Variants in GRIP1 observed in about 807,000 individuals in gnomAD.
GRIP1 encodes glutamate receptor-interacting protein 1.
GRIP1 carries 45 observed loss-of-function variants against 129.9 expected under a neutral mutation model. The ratio of observed to expected loss-of-function variants is 0.35; its 90% CI spans 0.27 to 0.44. The LOEUF is 0.44. GRIP1 is among the 20% of genes least tolerant of loss of function. The pLI is 1.00. For missense variants in GRIP1, 1,196 were observed against 1,396.8 expected (o/e 0.86, Z 2.29); for synonymous variants, 530 against 520.8 (o/e 1.02, Z -0.24).
rs189337151 is a variant in GRIP1, at chr12:66,717,531, A to T, written c.-420+86522T>A. On this transcript the variant is annotated intron_variant, in intron 1 of 4. Transcript: ENST00000538373. ...CGTGCCAGAAAACTCAGTGGTTAAAAATGATAACTAATCTTGTCATGCTCT... is the reference window on the plus strand; with the variant it reads ...CGTGCCAGAAAACTCAGTGGTTAAATATGATAACTAATCTTGTCATGCTCT... Among the ~76,000 whole-genome samples, 5 of 152,274 alleles carry T rather than the reference A, an allele frequency of 3.3e-5. No individual in the cohort carries two copies. In the East Asian group the frequency reaches 5.8e-4, roughly 18 times the overall value.
intron 1 of GRIP1, among the ~76,000 whole-genome samples, chr12:66,946,785 T>TGGGG (rs537292136): frequency 3.7e-5 from 1 of 26,856 alleles, no homozygotes; most frequent in African/African-American, 1.5e-4. Flanking sequence ...GGGTGGGGGA[T>TGGGG]GGGGGGGGTG....
At chr12:66,715,015 A>T (rs1315237286) in intron 1 of GRIP1, among the ~76,000 whole-genome samples, 1 of 151,308 alleles carries the variant, frequency 6.6e-6, no homozygotes, top group Non-Finnish European at 1.5e-5. Flanking sequence ...ACTCCATAAC[A>T]CTCTCTTACA....
At chr12:67,059,539 A>G (rs547627154) in intron 1 of GRIP1, among the ~76,000 whole-genome samples, 4 of 152,346 alleles carry the variant, frequency 2.6e-5, no homozygotes, top group African/African-American at 9.6e-5. Flanking sequence ...AAAGGAAGGG[A>G]AAACCCTTGA....
intron 1 of GRIP1, among the ~76,000 whole-genome samples, chr12:66,852,280 T>C (rs1037360384): frequency 2.0e-5 from 3 of 151,976 alleles, no homozygotes; most frequent in African/African-American, 7.2e-5. Context: ...AATTGCATGA[T>C]TTGCTTTAAA....
intron 1 of GRIP1, among the ~76,000 whole-genome samples, chr12:66,798,961 T>A (rs945815497): frequency 5.3e-5 from 8 of 152,190 alleles, no homozygotes; most frequent in African/African-American, 1.9e-4. Context: ...TTAAATATCA[T>A]CAGAAGGCTC....
At chr12:66,785,589 T>C (rs988964623) in intron 1 of GRIP1, among the ~76,000 whole-genome samples, 1 of 151,830 alleles carries the variant, frequency 6.6e-6, no homozygotes, top group African/African-American at 2.4e-5. Flanking sequence ...ATGTGTCCTT[T>C]TATTTAAGTA....
At chr12:66,687,852 G>C (rs2034839585) in intron 1 of GRIP1, among the ~76,000 whole-genome samples, 1 of 152,140 alleles carries the variant, frequency 6.6e-6, no homozygotes, top group South Asian at 2.1e-4. Context: ...CAATCCCTTA[G>C]TCACGGGGAC....
At chr12:66,827,400 G>C (rs995965432) in intron 1 of GRIP1, among the ~76,000 whole-genome samples, 1 of 151,808 alleles carries the variant, frequency 6.6e-6, no homozygotes, top group African/African-American at 2.4e-5. Flanking sequence ...GAGAGAGAGA[G>C]AGAGAGAGAG....
At chr12:66,949,402 G>GA (rs1412141562) in intron 1 of GRIP1, among the ~76,000 whole-genome samples, 3 of 152,120 alleles carry the variant, frequency 2.0e-5, no homozygotes, top group Non-Finnish European at 2.9e-5. Flanking sequence ...GAAGTCAAAT[G>GA]AGAGGTCTGT....
intron 1 of GRIP1, among the ~76,000 whole-genome samples, chr12:66,876,303 G>C (rs2040382429): frequency 6.6e-6 from 1 of 151,790 alleles, no homozygotes; most frequent in Non-Finnish European, 1.5e-5. Flanking sequence ...CATCTTCATA[G>C]CTCTCCTCTA....
At chr12:66,801,276 T>C (rs771481549) in intron 1 of GRIP1, among the ~76,000 whole-genome samples, 3 of 152,034 alleles carry the variant, frequency 2.0e-5, no homozygotes, top group Non-Finnish European at 4.4e-5. Flanking sequence ...TTATGAAGGA[T>C]AGATGAGTGA....
chr12:66,639,189 G>C (rs2031696707), intron 1 of GRIP1, among the ~76,000 whole-genome samples: 1 of 152,082 alleles, frequency 6.6e-6, no homozygotes, highest in African/African-American at 2.4e-5. Flanking sequence ...ACCACCGTTA[G>C]TAGGGTACTA....
chr12:66,584,333 A>G (rs1179863007), intron 2 of GRIP1, among the ~76,000 whole-genome samples: 1 of 151,970 alleles, frequency 6.6e-6, no homozygotes, highest in African/African-American at 2.4e-5. Context: ...GGTGCAGCGC[A>G]CCAGCATGGC....
At chr12:66,696,040 C>G (rs2035144213) in intron 1 of GRIP1, among the ~76,000 whole-genome samples, 1 of 151,862 alleles carries the variant, frequency 6.6e-6, no homozygotes, top group Admixed American at 6.6e-5. Flanking sequence ...AACGGAAAAA[C>G]TAAATGAAGA....
chr12:66,717,369 AT>A (rs2035922156), intron 1 of GRIP1, among the ~76,000 whole-genome samples: 1 of 134,376 alleles, frequency 7.4e-6, no homozygotes, highest in African/African-American at 2.8e-5. Flanking sequence ...ATGGGCTTGA[AT>A]TTTTGCTCAC....
intron 1 of GRIP1, among the ~76,000 whole-genome samples, chr12:66,830,827 C>G (rs1238913066): frequency 8.4e-6 from 1 of 119,470 alleles, no homozygotes; most frequent in Non-Finnish European, 1.8e-5. Context: ...GTTTTGGTAT[C>G]TGAATTTTTT....
chr12:66,883,263 C>T (rs182328244), intron 1 of GRIP1, among the ~76,000 whole-genome samples: 1 of 152,214 alleles, frequency 6.6e-6, no homozygotes, highest in Admixed American at 6.5e-5. Flanking sequence ...CACCCCTTTC[C>T]CTTTAGTACT....
At chr12:66,565,932 T>C (rs2062739989) in intron 2 of GRIP1, among the ~76,000 whole-genome samples, 1 of 152,200 alleles carries the variant, frequency 6.6e-6, no homozygotes, top group African/African-American at 2.4e-5. Flanking sequence ...TGTCTGTTAC[T>C]GGTGTATAGG....
At position 66,779,381 on chromosome 12, in the gene GRIP1, C is replaced by G. The variant is rs2038086477; in HGVS notation, c.-420+24672G>C. ...TTTTAGTTCTGTATTCAAAAAAAAC[C>G]ATTAAGAGTCACTTAAATTTTTCAG... On this transcript the variant is annotated intron_variant, in intron 1 of 4. Transcript: ENST00000538373. Among the ~76,000 whole-genome samples the G allele has an allele frequency of 1.3e-5, 2 of 152,054 alleles. 1 individual carries two copies. The highest frequency in any genetic ancestry group is 2.9e-5 in the Non-Finnish European group (2 of 68,018).
Sources: gnomAD v4.1 joint callset for allele counts (sites outside exome capture counted in the v4.1 genomes callset) on GRCh38, gnomAD v4.1.1 for gene constraint, MANE v1.5 for transcripts, NCBI Gene and HGNC (gene_info 2026-07-23, HGNC 2026-07-21) for gene names.